ATP4B: variants seen among roughly 807,000 people sequenced by gnomAD.
ATP4B encodes ATPase H+/K+ transporting subunit beta.
ATP4B carries 27 observed loss-of-function variants against 35.3 expected under a neutral mutation model. The ratio of observed to expected loss-of-function variants is 0.76; its 90% CI spans 0.56 to 1.05. ATP4B has a LOEUF of 1.05. Ranked by LOEUF, ATP4B falls within the 50% of genes least tolerant of loss-of-function variation. ATP4B has a pLI of 0.00. For missense variants in ATP4B, 375 were observed against 384.8 expected (o/e 0.97, Z 0.21); for synonymous variants, 162 against 156.0 (o/e 1.04, Z -0.29).
intron 1 of ATP4B, among the ~76,000 whole-genome samples, chr13:113,657,538 C>T (rs764980516): frequency 7.4e-4 from 113 of 152,212 alleles, no homozygotes; most frequent in Non-Finnish European, 1.4e-3. Flanking sequence ...TCGCACAAGG[C>T]GCAGGTGCTG....
intron 2 of ATP4B, among the ~76,000 whole-genome samples, chr13:113,653,636 C>T (rs573499987): frequency 5.9e-5 from 9 of 152,206 alleles, no homozygotes; most frequent in Non-Finnish European, 8.8e-5. Context: ...GGAGTTGCCC[C>T]GGCCCTGGAA....
rs774906399 is a variant in ATP4B, at chr13:113,658,097, C to T, written c.48G>A (p.Glu16=). The T allele has an allele frequency of 1.8e-5, 29 of 1,612,668 alleles. No individual in the cohort carries two copies. Among genetic ancestry groups the T allele is most frequent in the Non-Finnish European group, 2.3e-5 (27 of 1,179,758 alleles). The change falls in exon 1 of 7, where the codon GAG becomes GAA. Residue 16 remains glutamate (E), a synonymous_variant. Coordinates refer to ENST00000335288, the MANE Select transcript of ATP4B (RefSeq NM_000705.4). The part of the protein sequence containing the change: ...EKKTCGQRME[E]FQRYCWNPDT... ...CCGGGTTCCAGCAGTAACGCTGGAACTCCTCCATGCGCTGGCCACACGTCT... is the reference window on the plus strand; with the variant it reads ...CCGGGTTCCAGCAGTAACGCTGGAATTCCTCCATGCGCTGGCCACACGTCT...
intron 2 of ATP4B, among the ~76,000 whole-genome samples, chr13:113,653,678 G>A (rs1431309148): frequency 6.6e-6 from 1 of 152,212 alleles, no homozygotes; most frequent in African/African-American, 2.4e-5. Context: ...GGGGTGGGGG[G>A]TGGCTGGCTC....
rs762842363 is a variant in ATP4B at position 113,658,184 on chromosome 13, C to T, written c.-40G>A. 2.5e-6 allele frequency: 4 copies of T among 1,573,796 alleles called. No individual in the cohort carries two copies. The highest frequency in any genetic ancestry group is 4.6e-5 in the East Asian group (2 of 43,494). ...GATCCTCCCGTCTGCTCCCTGCACC[C>T]TCTACGCCCAGACTGAGGCCAGATG... On this transcript the variant is annotated 5_prime_UTR_variant, in exon 1 of 7. Coordinates refer to ENST00000335288, the MANE Select transcript of ATP4B (RefSeq NM_000705.4).
intron 2 of ATP4B, 111 bp from the exon 3 acceptor site, chr13:113,653,545 T>G (rs946193089): frequency 4.8e-6 from 4 of 837,308 alleles, no homozygotes; most frequent in East Asian, 5.1e-5. Flanking sequence ...CCCAGGAGCC[T>G]CCTCGGAGTA....
At chr13:113,652,042 T>G (rs796870371) in intron 4 of ATP4B, among the ~76,000 whole-genome samples, 12 of 152,184 alleles carry the variant, frequency 7.9e-5, no homozygotes, top group African/African-American at 2.9e-4. Flanking sequence ...CCAGGTCCGG[T>G]GGAGCACTGA....
At chr13:113,657,993 C>A in intron 1 of ATP4B, 40 bp downstream of exon 1, 1 of 1,516,018 alleles carries the variant, frequency 6.6e-7, no homozygotes, top group South Asian at 1.2e-5. Context: ...CTCAGAGCGG[C>A]CCCCTCCATG....
rs1443220884 is a variant in ATP4B, at chr13:113,654,516, T to A, written c.241+298A>T. 3.3e-5 allele frequency among the ~76,000 whole-genome samples: 5 copies of A among 152,270 alleles called. No individual in the cohort carries two copies. In the East Asian group the frequency reaches 9.6e-4, roughly 29 times the overall value. On this transcript the variant is annotated intron_variant, in intron 2 of 6. Coordinates refer to ENST00000335288, the MANE Select transcript of ATP4B (RefSeq NM_000705.4). ...AAACTTTGTCTCTATAACAAAACCC[T>A]TCTGTTTCATAATTAAAACTAAAGC...
At chr13:113,653,619 C>G (rs1182897648) in intron 2 of ATP4B, among the ~76,000 whole-genome samples, 185 bp from the exon 3 acceptor site, 1 of 152,200 alleles carries the variant, frequency 6.6e-6, no homozygotes, top group East Asian at 1.9e-4. Flanking sequence ...AGCCTGGGTC[C>G]CTGCTGGGAG....
rs2049705852 is a variant in ATP4B at position 113,650,751 on chromosome 13, G to A, written c.613-244C>T. On this transcript the variant is annotated intron_variant, in intron 5 of 6. Coordinates refer to ENST00000335288, the MANE Select transcript of ATP4B (RefSeq NM_000705.4). This position sits in a 1 kb window ranked among gnomAD's most constrained non-coding sequence, Gnocchi z 5.0. The stretch of plus-strand genomic sequence containing the variant: ...CCGTGTGCCTCTAACAACTTGAAAT[G>A]TTGGAAGGATGACGCAGGTGGGTGA... 6.6e-6 allele frequency among the ~76,000 whole-genome samples: 1 copy of A among 152,214 alleles called. No individual in the cohort carries two copies. Among genetic ancestry groups the A allele is most frequent in the Non-Finnish European group, 1.5e-5 (1 of 68,030 alleles).
chr13:113,654,999 T>C, intron 1 of ATP4B, 57 bp from the exon 2 acceptor site: 1 of 1,604,816 alleles, frequency 6.2e-7, no homozygotes, highest in Non-Finnish European at 8.5e-7. Flanking sequence ...CGCACACAAT[T>C]CGGTGGCCTT....
intron 4 of ATP4B, among the ~76,000 whole-genome samples, chr13:113,652,531 C>T (rs1016169479): frequency 1.3e-5 from 2 of 152,262 alleles, no homozygotes; most frequent in Admixed American, 6.5e-5. Context: ...TGCTAAACCC[C>T]TCCCAATCCT....
Position 113,649,382 on chromosome 13 carries a change from C to T in ATP4B, c.868G>A (p.Glu290Lys). Residue 290 changes from glutamate (E) to lysine (K), a missense_variant, in exon 7 of 7, where the codon GAG becomes AAG. Transcript: ENST00000335288. The surrounding 1 kb of genome is among the most constrained non-coding windows in gnomAD (Gnocchi z 4.7). ...EGKVEFKLKI[E>K]K is the part of the protein sequence containing the mutation. ...CCCCTGCGCAAACCGTTTCACTTCTCAATCTTGAGTTTGAACTCCACTTTC... is the reference window on the plus strand; with the variant it reads ...CCCCTGCGCAAACCGTTTCACTTCTTAATCTTGAGTTTGAACTCCACTTTC... 2.5e-6 allele frequency: 4 copies of T among 1,594,202 alleles called. No individual in the cohort carries two copies. The highest frequency in any genetic ancestry group is 3.4e-6 in the Non-Finnish European group (4 of 1,169,266).
intron 1 of ATP4B, 43 bp downstream of exon 1, chr13:113,657,990 C>T (rs1278657268): frequency 2.7e-6 from 4 of 1,486,118 alleles, no homozygotes; most frequent in African/African-American, 1.4e-5. Context: ...GTCCTCAGAG[C>T]GGCCCCCTCC....
rs776176168 is a variant in ATP4B at position 113,649,421 on chromosome 13, C to T, written c.829G>A (p.Asp277Asn). ...AEHVTFNNPHDPYEGKVEFKL... is the reference protein window; with the variant it reads ...AEHVTFNNPHNPYEGKVEFKL... ...AACTCCACTTTCCCTTCATACGGGT[C>T]GTGGGGATTGTTGAAGGTCACGTGC... Residue 277 changes from aspartate (D) to asparagine (N), a missense_variant, in exon 7 of 7, where the codon GAC becomes AAC. Physicochemically the swap from Asp to Asn is conservative, Grantham distance 23. Transcript: ENST00000335288. This position sits in a 1 kb window ranked among gnomAD's most constrained non-coding sequence, Gnocchi z 4.7. The T allele has an allele frequency of 9.4e-6, 15 of 1,588,472 alleles. No homozygotes were observed. The highest frequency in any genetic ancestry group is 5.4e-5 in the African/African-American group (4 of 74,474).
At chr13:113,653,262 G>GCCGCTTCACACCTCACCCACCCA in intron 3 of ATP4B, 59 bp downstream of exon 3, 1 of 1,449,054 alleles carries the variant, frequency 6.9e-7, no homozygotes. Context: ...TCACCCACCC[G>GCCGCTTCACACCTCACCCACCCA]CCGCTTCACA....
At chr13:113,652,615 G>A (rs2049720728) in intron 4 of ATP4B, 1 of 553,914 alleles carries the variant, frequency 1.8e-6, no homozygotes, top group East Asian at 3.4e-5. Context: ...TGGCCTTGCA[G>A]AGACCCCTGT....
At chr13:113,657,915 C>T in intron 1 of ATP4B, 118 bp downstream of exon 1, 1 of 822,634 alleles carries the variant, frequency 1.2e-6, no homozygotes, top group Non-Finnish European at 1.9e-6. Flanking sequence ...GCCATCCAGG[C>T]AGCATCGGGG....
At chr13:113,656,436 C>T (rs2049755118) in intron 1 of ATP4B, among the ~76,000 whole-genome samples, 1 of 152,170 alleles carries the variant, frequency 6.6e-6, no homozygotes, top group African/African-American at 2.4e-5. Flanking sequence ...CTCAGCCCTG[C>T]CTCCCGGGTA....
Sources: gnomAD v4.1 joint callset for allele counts (sites outside exome capture counted in the v4.1 genomes callset) on GRCh38, gnomAD v4.1.1 for gene constraint, Gnocchi (gnomAD v3.1) non-coding constraint, MANE v1.5 for transcripts, NCBI Gene and HGNC (gene_info 2026-07-23, HGNC 2026-07-21) for gene names.